The following LRP1B variants were observed in gnomAD, a reference collection of about 807,000 sequenced individuals.
LRP1B encodes low-density lipoprotein receptor-related protein 1B.
Under a neutral mutation model 556.6 loss-of-function variants are expected in LRP1B, and 217 were observed. The observed-to-expected ratio is 0.39, with a 90% CI of 0.35 to 0.44. The LOEUF (loss-of-function observed/expected upper bound fraction) is 0.44, where lower values mean the gene tolerates loss of function less well. LRP1B is among the 20% of genes least tolerant of loss of function. The pLI is 1.00. For missense variants in LRP1B, 5,053 were observed against 5,620.8 expected, an observed-to-expected ratio of 0.90 and a Z score of 3.23; for synonymous variants, 2,047 against 1,865.8, an observed-to-expected ratio of 1.10 and a Z score of -2.50.
At chr2:140,676,943 T>G (rs145813949) in intron 41 of LRP1B, among the ~76,000 whole-genome samples, 1 of 152,238 alleles carries the variant, frequency 6.6e-6, no homozygotes, top group East Asian at 1.9e-4. Flanking sequence ...AAAACATGTT[T>G]TTCATATCAA....
chr2:140,722,816 G>A lies in LRP1B; in HGVS notation c.5759-6000C>T, dbSNP rs183220481. 4.3e-3 allele frequency among the ~76,000 whole-genome samples: 654 copies of A among 152,300 alleles called. 5 individuals carry two copies. The highest frequency in any genetic ancestry group is 0.014 in the African/African-American group (577 of 41,554). On this transcript the variant is annotated intron_variant, in intron 35 of 90. Coordinates refer to ENST00000389484, the MANE Select transcript of LRP1B (RefSeq NM_018557.3). ...CCCAACACTTTGGGAGGCCGAGGCA[G>A]GAGGATCACGAGGTCAGGAGATCGA... is the stretch of plus-strand genomic sequence containing the variant.
intron 66 of LRP1B, among the ~76,000 whole-genome samples, chr2:140,391,644 A>C (rs781697189): frequency 3.9e-5 from 6 of 152,210 alleles, no homozygotes; most frequent in Non-Finnish European, 8.8e-5. Context: ...GGAAGGTAGT[A>C]TGAATTACAG....
At chr2:141,275,259 A>C (rs1685243354) in intron 3 of LRP1B, among the ~76,000 whole-genome samples, 1 of 152,228 alleles carries the variant, frequency 6.6e-6, no homozygotes, top group Non-Finnish European at 1.5e-5. Context: ...ATATACAAGG[A>C]GGTGAAAACA....
At chr2:141,946,018 C>A (rs1700945136) in intron 1 of LRP1B, among the ~76,000 whole-genome samples, 1 of 151,944 alleles carries the variant, frequency 6.6e-6, no homozygotes, top group South Asian at 2.1e-4. Context: ...CCCACTGCAA[C>A]CTGGAAGACA....
chr2:140,557,973 T>C (rs1280927347), intron 43 of LRP1B, among the ~76,000 whole-genome samples: 1 of 152,162 alleles, frequency 6.6e-6, no homozygotes, highest in Non-Finnish European at 1.5e-5. Flanking sequence ...CCAAAGAATA[T>C]CACCTGATGC....
chr2:141,915,694 G>A (rs1387169575), intron 1 of LRP1B, among the ~76,000 whole-genome samples: 3 of 152,072 alleles, frequency 2.0e-5, no homozygotes, highest in Admixed American at 6.5e-5. Flanking sequence ...ATTTGACAAA[G>A]GTCTAATATC....
At chr2:140,585,835 T>C (rs528684536) in intron 43 of LRP1B, among the ~76,000 whole-genome samples, 1 of 152,306 alleles carries the variant, frequency 6.6e-6, no homozygotes, top group Non-Finnish European at 1.5e-5. Flanking sequence ...ATTTTCATAA[T>C]CTTTATTTCC....
chr2:140,383,442 A>G (rs944852174), intron 67 of LRP1B, among the ~76,000 whole-genome samples: 1 of 152,116 alleles, frequency 6.6e-6, no homozygotes, highest in Admixed American at 6.6e-5. Context: ...CCCCAAAGAT[A>G]TAATTGAATT....
At chr2:142,117,286 C>T (rs1001568249) in intron 1 of LRP1B, among the ~76,000 whole-genome samples, 1 of 152,116 alleles carries the variant, frequency 6.6e-6, no homozygotes, top group Non-Finnish European at 1.5e-5. Flanking sequence ...CACGTTCTCT[C>T]CCCCGATTCT....
intron 2 of LRP1B, among the ~76,000 whole-genome samples, chr2:141,481,858 C>A (rs1682930479): frequency 6.6e-6 from 1 of 152,104 alleles, no homozygotes; most frequent in Non-Finnish European, 1.5e-5. Flanking sequence ...TACTGTCTGG[C>A]AGACACTTAA....
chr2:141,291,878 A>AAAAAAC (rs1558985673), intron 3 of LRP1B, among the ~76,000 whole-genome samples: 22 of 77,624 alleles, frequency 2.8e-4, no homozygotes, highest in African/African-American at 2.8e-4. Flanking sequence ...AAAAAAAAAA[A>AAAAAAC]AAAAAAAAAA....
At chr2:141,437,323 C>T (rs1037829032) in intron 3 of LRP1B, among the ~76,000 whole-genome samples, 5 of 151,522 alleles carry the variant, frequency 3.3e-5, no homozygotes, top group African/African-American at 7.3e-5. Context: ...ATAAAAGTAC[C>T]GAAGGAAGGA....
chr2:141,204,457 T>C (rs565312824), intron 6 of LRP1B, among the ~76,000 whole-genome samples: 1 of 152,274 alleles, frequency 6.6e-6, no homozygotes, highest in East Asian at 1.9e-4. Flanking sequence ...CCACCTCAGA[T>C]ACTTCACTTC....
chr2:140,235,448 T>C (rs1167966224), intron 89 of LRP1B, among the ~76,000 whole-genome samples: 2 of 151,220 alleles, frequency 1.3e-5, no homozygotes, highest in Non-Finnish European at 3.0e-5. Flanking sequence ...AAAATTCATA[T>C]GATTATTAAG....
At chr2:142,072,644 A>G (rs1005613756) in intron 1 of LRP1B, among the ~76,000 whole-genome samples, 1 of 151,910 alleles carries the variant, frequency 6.6e-6, no homozygotes, top group Non-Finnish European at 1.5e-5. Flanking sequence ...TGTATTTTGT[A>G]TGTGGCCCAA....
chr2:141,895,440 C>T (rs969143841), intron 1 of LRP1B, among the ~76,000 whole-genome samples: 30 of 152,142 alleles, frequency 2.0e-4, no homozygotes, highest in Admixed American at 7.2e-4. Context: ...AGAAGACTTA[C>T]TATCTTTTGA....
rs567303927 is a variant in LRP1B at position 140,398,023 on chromosome 2, A to C, written c.10415-12014T>G. Among the ~76,000 whole-genome samples the C allele has an allele frequency of 1.2e-3, 184 of 152,278 alleles. No individual in the cohort carries two copies. In the Middle Eastern group the frequency reaches 0.048, roughly 40 times the overall value. The stretch of plus-strand genomic sequence containing the variant: ...ACATCCTTGAAACTTTTCTCACGTA[A>C]GATGAAGCTTTAAACTTATCATTCA... On this transcript the variant is annotated intron_variant, in intron 66 of 90. Transcript: ENST00000389484.
At chr2:140,706,495 CAT>C (rs976046437) in intron 37 of LRP1B, among the ~76,000 whole-genome samples, 9 of 152,070 alleles carry the variant, frequency 5.9e-5, no homozygotes, top group African/African-American at 1.7e-4. Flanking sequence ...AATTTAAAAA[CAT>C]ATAATTTTAA....
chr2:141,903,924 A>G (rs1699688664), intron 1 of LRP1B, among the ~76,000 whole-genome samples: 1 of 151,932 alleles, frequency 6.6e-6, no homozygotes, highest in Non-Finnish European at 1.5e-5. Context: ...ATGAATGGAG[A>G]AGCCACGAAA....
Sources: allele counts gnomAD v4.1 joint callset (sites outside exome capture counted in the v4.1 genomes callset), GRCh38; gene constraint gnomAD v4.1.1; transcripts MANE v1.5; gene names NCBI Gene and HGNC (gene_info 2026-07-23, HGNC 2026-07-21).